Variants in TM9SF3 observed in about 807,000 individuals in gnomAD.
The protein encoded by TM9SF3 is SM-11044-binding protein.
A neutral mutation model predicts 78.6 loss-of-function variants in TM9SF3; 14 were observed. That is an observed-to-expected ratio of 0.18 (90% CI 0.12 to 0.28). The LOEUF (loss-of-function observed/expected upper bound fraction) is 0.28, where lower values mean the gene tolerates loss of function less well. TM9SF3 is among the 10% of genes least tolerant of loss of function. The pLI is 1.00. For synonymous variants in TM9SF3, 231 were observed against 241.7 expected, an observed-to-expected ratio of 0.96 and a Z score of 0.41; for missense variants, 496 against 721.9, an observed-to-expected ratio of 0.69 and a Z score of 3.59.
At chr10:96,524,347 A>G (rs1196355570) in intron 14 of TM9SF3, among the ~76,000 whole-genome samples, 1 of 151,906 alleles carries the variant, frequency 6.6e-6, no homozygotes, top group Non-Finnish European at 1.5e-5. Context: ...GAGAAAAATC[A>G]TTCAATTTTG....
chr10:96,532,523 T>C (rs530619301), intron 10 of TM9SF3, among the ~76,000 whole-genome samples: 1 of 152,276 alleles, frequency 6.6e-6, no homozygotes, highest in South Asian at 2.1e-4. Flanking sequence ...CTACTTACTA[T>C]ACAACTATTC....
intron 9 of TM9SF3, among the ~76,000 whole-genome samples, chr10:96,538,833 T>C (rs1266218228): frequency 6.6e-6 from 1 of 152,200 alleles, no homozygotes; most frequent in Admixed American, 6.5e-5. Flanking sequence ...ATATACTCAC[T>C]AGAATAGCTA....
intron 3 of TM9SF3, among the ~76,000 whole-genome samples, chr10:96,563,305 G>T (rs1848331586): frequency 6.6e-6 from 1 of 152,092 alleles, no homozygotes; most frequent in African/African-American, 2.4e-5. Flanking sequence ...CAAACTCCTG[G>T]CCTTAGCTTC....
At chr10:96,569,104 G>A (rs1487585174) in intron 2 of TM9SF3, among the ~76,000 whole-genome samples, 1 of 152,166 alleles carries the variant, frequency 6.6e-6, no homozygotes, top group Non-Finnish European at 1.5e-5. Context: ...CGGGGAGGTC[G>A]AGGCTGCAGT....
intron 3 of TM9SF3, among the ~76,000 whole-genome samples, chr10:96,563,663 C>T (rs1005159226): frequency 6.6e-6 from 1 of 152,204 alleles, no homozygotes; most frequent in African/African-American, 2.4e-5. Context: ...CAGGCGTGAG[C>T]CACCGCGCCC....
chr10:96,583,775 T>G (rs1464934743), intron 1 of TM9SF3, among the ~76,000 whole-genome samples: 3 of 150,654 alleles, frequency 2.0e-5, no homozygotes, highest in African/African-American at 4.9e-5. Context: ...GGCTCACACC[T>G]GTAATCCCAG....
At chr10:96,574,812 C>T (rs1233766756) in intron 2 of TM9SF3, among the ~76,000 whole-genome samples, 6 of 152,168 alleles carry the variant, frequency 3.9e-5, no homozygotes, top group Non-Finnish European at 7.3e-5. Flanking sequence ...TCTCAGCAAA[C>T]TAACACAAGA....
chr10:96,551,286 G>T lies in TM9SF3; in HGVS notation c.918C>A (p.Leu306=). Residue 306 remains leucine, a synonymous_variant, in exon 7 of 15, where the codon CTC becomes CTA. Coordinates refer to ENST00000371142, the MANE Select transcript of TM9SF3 (RefSeq NM_020123.4). ...CTATCATTGCAACAATAATAACGATGAGAGACACAGCAAATATCTGACATC... is the reference window on the plus strand; with the variant it reads ...CTATCATTGCAACAATAATAACGATTAGAGACACAGCAAATATCTGACATC... ...GSGCQIFAVS[L]IVIIVAMIED... 6.2e-7 allele frequency: 1 copy of T among 1,612,568 alleles called. No individual in the cohort carries two copies. Among genetic ancestry groups the T allele is most frequent in the Non-Finnish European group, 8.5e-7 (1 of 1,179,526 alleles).
intron 14 of TM9SF3, among the ~76,000 whole-genome samples, 200 bp from the exon 15 acceptor site, chr10:96,522,530 C>T (rs1019455127): frequency 2.0e-5 from 3 of 151,796 alleles, no homozygotes; most frequent in Non-Finnish European, 4.4e-5. Context: ...TGAGTCTGAC[C>T]ATCATACGCC....
At chr10:96,522,600 T>C (rs947797206) in intron 14 of TM9SF3, among the ~76,000 whole-genome samples, 1 of 151,878 alleles carries the variant, frequency 6.6e-6, no homozygotes, top group African/African-American at 2.4e-5. Context: ...TTAAAATACA[T>C]CTCTTATAAA....
intron 9 of TM9SF3, among the ~76,000 whole-genome samples, chr10:96,536,030 C>T (rs1847954446): frequency 1.3e-5 from 2 of 151,914 alleles, no homozygotes; most frequent in African/African-American, 4.8e-5. Flanking sequence ...ATACTTTCAC[C>T]ATATTTTCAG....
At chr10:96,564,596 T>C (rs1848348642) in intron 3 of TM9SF3, among the ~76,000 whole-genome samples, 1 of 152,252 alleles carries the variant, frequency 6.6e-6, no homozygotes, top group Admixed American at 6.5e-5. Flanking sequence ...GATAGTTTAC[T>C]GCTCATGATG....
At chr10:96,530,506 TC>T (rs1238483441) in intron 11 of TM9SF3, 33 bp downstream of exon 11, 1 of 1,551,660 alleles carries the variant, frequency 6.4e-7, no homozygotes, top group Admixed American at 1.8e-5. Flanking sequence ...TATAATCAAA[TC>T]CCTCAAAACA....
At chr10:96,531,394 T>TA (rs1264585301) in intron 10 of TM9SF3, among the ~76,000 whole-genome samples, 1 of 94,202 alleles carries the variant, frequency 1.1e-5, no homozygotes, top group Non-Finnish European at 2.7e-5. Flanking sequence ...TGTACATATA[T>TA]ATAAAAAACC....
intron 5 of TM9SF3, among the ~76,000 whole-genome samples, chr10:96,554,834 C>CTT (rs1437388659): frequency 6.6e-6 from 1 of 152,190 alleles, no homozygotes; most frequent in African/African-American, 2.4e-5. Context: ...TTCTGATTCT[C>CTT]TAACTTCTGC....
chr10:96,566,216 T>C (rs1848368112), intron 2 of TM9SF3, among the ~76,000 whole-genome samples: 1 of 152,212 alleles, frequency 6.6e-6, no homozygotes, highest in South Asian at 2.1e-4. Flanking sequence ...GAAATCATTC[T>C]GAACAAGAAC....
At chr10:96,578,755 A>C (rs1195772956) in intron 1 of TM9SF3, among the ~76,000 whole-genome samples, 2 of 152,218 alleles carry the variant, frequency 1.3e-5, no homozygotes, top group African/African-American at 4.8e-5. Flanking sequence ...AATCATTACC[A>C]ACTGATGAGA....
intron 9 of TM9SF3, among the ~76,000 whole-genome samples, chr10:96,543,274 G>A (rs551039246): frequency 1.3e-5 from 2 of 151,902 alleles, no homozygotes; most frequent in South Asian, 4.2e-4. Context: ...TGTGATTACA[G>A]GTAAGATATG....
chr10:96,532,485 T>C (rs1408537845), intron 10 of TM9SF3, among the ~76,000 whole-genome samples: 2 of 152,070 alleles, frequency 1.3e-5, no homozygotes, highest in African/African-American at 4.8e-5. Flanking sequence ...TTTATATATA[T>C]ATATCTCCGT....
Sources: gnomAD v4.1 joint callset for allele counts (sites outside exome capture counted in the v4.1 genomes callset) on GRCh38, gnomAD v4.1.1 for gene constraint, MANE v1.5 for transcripts, NCBI Gene and HGNC (gene_info 2026-07-23, HGNC 2026-07-21) for gene names.